The following SLIT2 variants were observed in gnomAD, a reference collection of about 807,000 sequenced individuals.
SLIT2 encodes the protein slit homolog 2 protein.
SLIT2 carries 41 observed loss-of-function variants against 185.7 expected under a neutral mutation model. That is an observed-to-expected ratio of 0.22 (90% CI 0.17 to 0.29). SLIT2 has a LOEUF of 0.29. SLIT2 is among the 10% of genes least tolerant of loss of function. SLIT2 has a pLI of 1.00. For synonymous variants in SLIT2, 693 were observed against 680.2 expected (o/e 1.02, Z -0.29); for missense variants, 1,571 against 1,909.0 (o/e 0.82, Z 3.30).
rs371467335 is a variant in SLIT2 at position 20,587,104 on chromosome 4, C to T, written c.3089-2540C>T. On this transcript the variant is annotated intron_variant, in intron 29 of 36. Coordinates refer to ENST00000504154, the MANE Select transcript of SLIT2 (RefSeq NM_004787.4). ...CACAATCTCGGCTCATGGCAACCTCCGCCTCCTGGGTTCAAGCGATTCTCC... is the reference window on the plus strand; with the variant it reads ...CACAATCTCGGCTCATGGCAACCTCTGCCTCCTGGGTTCAAGCGATTCTCC... Among the ~76,000 whole-genome samples the T allele has an allele frequency of 4.6e-5, 7 of 152,048 alleles. No homozygotes were observed. In the South Asian group the frequency reaches 8.3e-4, roughly 18 times the overall value.
intron 11 of SLIT2, among the ~76,000 whole-genome samples, chr4:20,515,334 A>G (rs953213529): frequency 6.6e-6 from 1 of 152,326 alleles, no homozygotes; most frequent in East Asian, 1.9e-4. Context: ...ATTATCCCAG[A>G]GAATCTTTCT....
At chr4:20,409,259 TC>T (rs1727013676) in intron 4 of SLIT2, among the ~76,000 whole-genome samples, 1 of 152,080 alleles carries the variant, frequency 6.6e-6, no homozygotes, top group South Asian at 2.1e-4. Context: ...TGTGTGTTGT[TC>T]CCCACCATGT....
chr4:20,576,413 C>T (rs1726090343), intron 29 of SLIT2, among the ~76,000 whole-genome samples: 3 of 152,160 alleles, frequency 2.0e-5, no homozygotes, highest in Admixed American at 2.0e-4. Context: ...CCATACACTA[C>T]TTTGAAACAT....
chr4:20,553,373 C>T (rs978762954), intron 25 of SLIT2, among the ~76,000 whole-genome samples: 1 of 152,160 alleles, frequency 6.6e-6, no homozygotes. Context: ...ATGCTAATCT[C>T]CTCTGCAGCA....
chr4:20,578,095 C>T (rs1726222939), intron 29 of SLIT2, among the ~76,000 whole-genome samples: 1 of 152,194 alleles, frequency 6.6e-6, no homozygotes, highest in East Asian at 1.9e-4. Flanking sequence ...CTCTTTGCTT[C>T]CTTACATTGT....
intron 4 of SLIT2, among the ~76,000 whole-genome samples, chr4:20,456,076 G>A (rs967062736): frequency 5.3e-5 from 8 of 152,086 alleles, no homozygotes; most frequent in Admixed American, 3.9e-4. Flanking sequence ...CCTGGGTTCA[G>A]GGGACAGAAA....
Position 20,488,934 on chromosome 4 carries a change from A to C in SLIT2, c.727A>C (p.Arg243=), listed in dbSNP as rs755613349. 1.2e-6 allele frequency: 2 copies of C among 1,612,008 alleles called. No homozygotes were observed. Among genetic ancestry groups the C allele is most frequent in the Non-Finnish European group, 1.7e-6 (2 of 1,178,384 alleles). The part of the protein sequence containing the change: ...YTQCMGPSHL[R]GHNVAEVQKR... The stretch of plus-strand genomic sequence containing the variant: ...TCAGTGTATGGGCCCCTCCCACCTG[A>C]GAGGCCATAATGTAGCCGAGGTTCA... Residue 243 remains arginine (R), a synonymous_variant, in exon 8 of 37, where the codon AGA becomes CGA. Transcript: ENST00000504154.
chr4:20,579,055 G>A (rs1560210773), intron 29 of SLIT2, among the ~76,000 whole-genome samples: 1 of 152,026 alleles, frequency 6.6e-6, no homozygotes, highest in Non-Finnish European at 1.5e-5. Context: ...TGGCACTTTG[G>A]GAGGCCGAGG....
intron 4 of SLIT2, among the ~76,000 whole-genome samples, chr4:20,314,700 G>A (rs1718412762): frequency 6.6e-6 from 1 of 152,064 alleles, no homozygotes; most frequent in Non-Finnish European, 1.5e-5. Flanking sequence ...CATATGAAAA[G>A]AGGTCTTATG....
intron 32 of SLIT2, 113 bp from the exon 33 acceptor site, chr4:20,598,152 C>A: frequency 2.2e-6 from 2 of 922,144 alleles, no homozygotes; most frequent in Non-Finnish European, 3.1e-6. Context: ...TCATAGCCAT[C>A]AGGAAAACAT....
chr4:20,582,329 G>A (rs1270716666), intron 29 of SLIT2, among the ~76,000 whole-genome samples: 1 of 152,140 alleles, frequency 6.6e-6, no homozygotes, highest in Non-Finnish European at 1.5e-5. Flanking sequence ...TCCTTCTTCA[G>A]AGGAAACAGT....
At chr4:20,491,955 A>C (rs1231814230) in intron 9 of SLIT2, 56 bp downstream of exon 9, 1 of 1,570,614 alleles carries the variant, frequency 6.4e-7, no homozygotes, top group African/African-American at 1.4e-5. Context: ...CCAAACTTTG[A>C]TTTTCTTTGG....
At chr4:20,259,414 C>G (rs1388692548) in intron 3 of SLIT2, among the ~76,000 whole-genome samples, 1 of 151,578 alleles carries the variant, frequency 6.6e-6, no homozygotes, top group Non-Finnish European at 1.5e-5. Flanking sequence ...TCAAGAATAA[C>G]TTTTAGTCAC....
chr4:20,429,115 C>T (rs778542957), intron 4 of SLIT2, among the ~76,000 whole-genome samples: 5 of 151,984 alleles, frequency 3.3e-5, no homozygotes, highest in African/African-American at 4.8e-5. Context: ...CAGGCTGCCT[C>T]TTAAACACAT....
chr4:20,335,018 A>G (rs1184885538), intron 4 of SLIT2, among the ~76,000 whole-genome samples: 8 of 152,224 alleles, frequency 5.3e-5, no homozygotes. Context: ...ATTAAATACT[A>G]GAACTTTCAT....
intron 4 of SLIT2, among the ~76,000 whole-genome samples, chr4:20,464,487 A>G (rs1411798088): frequency 2.6e-5 from 4 of 152,188 alleles, no homozygotes; most frequent in Non-Finnish European, 4.4e-5. Context: ...TTACCTGGTG[A>G]TATAATTACA....
At chr4:20,578,712 T>G (rs1477426444) in intron 29 of SLIT2, among the ~76,000 whole-genome samples, 1 of 152,224 alleles carries the variant, frequency 6.6e-6, no homozygotes, top group African/African-American at 2.4e-5. Flanking sequence ...AGCAACACCA[T>G]GTACTGCTAT....
intron 4 of SLIT2, among the ~76,000 whole-genome samples, chr4:20,276,517 T>A (rs1714181224): frequency 6.6e-6 from 1 of 152,156 alleles, no homozygotes; most frequent in Non-Finnish European, 1.5e-5. Flanking sequence ...TAAGAGAACA[T>A]CTGTGTCTCT....
chr4:20,517,173 A>T (rs1720287473), intron 11 of SLIT2, among the ~76,000 whole-genome samples: 1 of 152,148 alleles, frequency 6.6e-6, no homozygotes, highest in Admixed American at 6.5e-5. Flanking sequence ...AGACTCTTTG[A>T]CTATTCAAAA....
Sources: allele counts gnomAD v4.1 joint callset (sites outside exome capture counted in the v4.1 genomes callset), GRCh38; gene constraint gnomAD v4.1.1; transcripts MANE v1.5; gene names NCBI Gene and HGNC (gene_info 2026-07-23, HGNC 2026-07-21).